The following OSBPL10 variants were observed in gnomAD, a reference collection of about 807,000 sequenced individuals.
OSBPL10 encodes the protein oxysterol binding protein like 10.
OSBPL10 carries 49 observed loss-of-function variants against 81.7 expected under a neutral mutation model. That is an observed-to-expected ratio of 0.60 (90% CI 0.48 to 0.76). OSBPL10 has a LOEUF of 0.76. Ranked by LOEUF, OSBPL10 falls within the 30% of genes least tolerant of loss-of-function variation. The pLI is 0.00. For synonymous variants in OSBPL10, 419 were observed against 383.6 expected (o/e 1.09, Z -1.08); for missense variants, 923 against 987.8 (o/e 0.93, Z 0.88).
intron 7 of OSBPL10, among the ~76,000 whole-genome samples, chr3:31,699,221 C>A (rs527777020): frequency 2.0e-4 from 30 of 152,324 alleles, no homozygotes; most frequent in Non-Finnish European, 3.7e-4. Flanking sequence ...TGATGTTACT[C>A]ATTTGCTCAA....
intron 4 of OSBPL10, among the ~76,000 whole-genome samples, chr3:31,821,570 T>G (rs1256965736): frequency 6.6e-6 from 1 of 152,212 alleles, no homozygotes; most frequent in African/African-American, 2.4e-5. Flanking sequence ...TGACTGCTAT[T>G]AACTAATTCC....
At chr3:32,026,801 G>A (rs374718482) in intron 2 of OSBPL10, among the ~76,000 whole-genome samples, 1 of 152,130 alleles carries the variant, frequency 6.6e-6, no homozygotes, top group Non-Finnish European at 1.5e-5. Context: ...CTGAGGAAAC[G>A]GGCATGAACT....
chr3:31,935,449 T>C (rs1697357276), intron 1 of OSBPL10, among the ~76,000 whole-genome samples: 1 of 152,010 alleles, frequency 6.6e-6, no homozygotes, highest in Non-Finnish European at 1.5e-5. Context: ...TTTGGTGCAA[T>C]TCATCCTGGG....
chr3:31,746,305 T>C (rs1246752935), intron 5 of OSBPL10, among the ~76,000 whole-genome samples: 1 of 152,088 alleles, frequency 6.6e-6, no homozygotes, highest in Admixed American at 6.6e-5. Flanking sequence ...CTGGAGGCAA[T>C]GTGCGTTGTC....
intron 1 of OSBPL10, among the ~76,000 whole-genome samples, chr3:32,047,269 C>T (rs971587764): frequency 8.5e-5 from 13 of 152,094 alleles, no homozygotes; most frequent in Non-Finnish European, 1.8e-4. Flanking sequence ...AGCCACCATG[C>T]CTGGCCTTGA....
At chr3:31,673,855 G>A (rs368124117) in intron 8 of OSBPL10, among the ~76,000 whole-genome samples, 21 of 151,960 alleles carry the variant, frequency 1.4e-4, no homozygotes, top group African/African-American at 4.1e-4. Context: ...GTGCAGTGGC[G>A]CGATCATGGC....
At chr3:31,724,743 CCAACAAGTT>C (rs1209240771) in intron 6 of OSBPL10, among the ~76,000 whole-genome samples, 9 of 152,144 alleles carry the variant, frequency 5.9e-5, no homozygotes, top group Non-Finnish European at 1.2e-4. Context: ...GAAACCAAGT[CCAACAAGTT>C]CTTAAAAAAT....
chr3:32,044,831 CA>C (rs1387804715), intron 2 of OSBPL10, among the ~76,000 whole-genome samples: 1 of 149,994 alleles, frequency 6.7e-6, no homozygotes, highest in African/African-American at 2.5e-5. Flanking sequence ...GTATAATGCT[CA>C]AAAAAATTAT....
intron 4 of OSBPL10, among the ~76,000 whole-genome samples, chr3:31,819,677 C>A (rs952905402): frequency 6.6e-6 from 1 of 152,218 alleles, no homozygotes; most frequent in Non-Finnish European, 1.5e-5. Flanking sequence ...TGATAGTTGG[C>A]GGTCAAATTC....
intron 2 of OSBPL10, among the ~76,000 whole-genome samples, chr3:31,994,614 C>G (rs1337292055): frequency 6.6e-6 from 1 of 152,062 alleles, no homozygotes; most frequent in South Asian, 2.1e-4. Context: ...GTGCAGATGT[C>G]TTTTCTATAC....
At chr3:31,956,032 A>C (rs986929857) in intron 1 of OSBPL10, among the ~76,000 whole-genome samples, 8 of 152,246 alleles carry the variant, frequency 5.3e-5, no homozygotes, top group African/African-American at 1.9e-4. Context: ...GGTTAGAGAC[A>C]GGCTGTGTTG....
At chr3:31,853,007 T>C (rs1700807638) in intron 3 of OSBPL10, among the ~76,000 whole-genome samples, 1 of 152,192 alleles carries the variant, frequency 6.6e-6, no homozygotes, top group Admixed American at 6.5e-5. Context: ...AGTTTATAAA[T>C]GCCTACTGCC....
At chr3:32,003,380 G>A (rs960718184) in intron 2 of OSBPL10, among the ~76,000 whole-genome samples, 1 of 152,198 alleles carries the variant, frequency 6.6e-6, no homozygotes, top group Non-Finnish European at 1.5e-5. Flanking sequence ...GTTTCCTAAG[G>A]CACCTGGTTT....
intron 3 of OSBPL10, among the ~76,000 whole-genome samples, chr3:31,836,131 GCTCT>G (rs753879667): frequency 1.4e-4 from 21 of 152,118 alleles, no homozygotes; most frequent in African/African-American, 4.3e-4. Context: ...ATTTGTTCCA[GCTCT>G]CTCTACTTTT....
intron 1 of OSBPL10, among the ~76,000 whole-genome samples, chr3:32,070,270 C>T (rs72858472): frequency 6.6e-6 from 1 of 152,118 alleles, no homozygotes; most frequent in African/African-American, 2.4e-5. Flanking sequence ...AGCTTCAAAA[C>T]CCCTTAAAAC....
intron 4 of OSBPL10, among the ~76,000 whole-genome samples, chr3:31,749,467 G>C (rs1697646799): frequency 6.6e-6 from 1 of 152,174 alleles, no homozygotes; most frequent in South Asian, 2.1e-4. Context: ...TCCTAAAACA[G>C]TGCCTAGAAA....
At chr3:31,727,608 C>T (rs1368332586) in intron 6 of OSBPL10, among the ~76,000 whole-genome samples, 3 of 152,156 alleles carry the variant, frequency 2.0e-5, no homozygotes, top group Non-Finnish European at 2.9e-5. Flanking sequence ...GATTTTCAAT[C>T]ATCATAAGTC....
chr3:31,925,748 G>C (rs947812118), intron 1 of OSBPL10, among the ~76,000 whole-genome samples: 1 of 152,088 alleles, frequency 6.6e-6, no homozygotes, highest in Admixed American at 6.5e-5. Flanking sequence ...GGGAGACGGA[G>C]GTTGCAGTGA....
intron 4 of OSBPL10, among the ~76,000 whole-genome samples, chr3:31,776,951 C>T (rs1698564729): frequency 6.6e-6 from 1 of 151,824 alleles, no homozygotes; most frequent in African/African-American, 2.4e-5. Flanking sequence ...AATTTCACCT[C>T]AATAAAACAA....
Sources: gnomAD v4.1 joint callset for allele counts (sites outside exome capture counted in the v4.1 genomes callset) on GRCh38, gnomAD v4.1.1 for gene constraint, MANE v1.5 for transcripts, NCBI Gene and HGNC (gene_info 2026-07-23, HGNC 2026-07-21) for gene names.